EYS: variants seen among roughly 807,000 people sequenced by gnomAD.
EYS encodes EGF-like photoreceptor maintenance factor.
EYS carries 250 observed loss-of-function variants against 282.1 expected under a neutral mutation model. That is an observed-to-expected ratio of 0.89 (90% CI 0.80 to 0.98). The LOEUF (loss-of-function observed/expected upper bound fraction) is 0.98. Ranked by LOEUF, EYS falls within the 50% of genes least tolerant of loss-of-function variation. EYS has a pLI of 0.00. For synonymous variants in EYS, 1,355 were observed against 1,282.9 expected (o/e 1.06, Z -1.20); for missense variants, 4,016 against 3,709.0 (o/e 1.08, Z -2.15).
intron 22 of EYS, among the ~76,000 whole-genome samples, chr6:64,783,536 C>A (rs1283222389): frequency 6.6e-6 from 1 of 151,956 alleles, no homozygotes; most frequent in Non-Finnish European, 1.5e-5. Context: ...TATTCACGTT[C>A]TCTTATGTGG....
At chr6:64,457,227 G>T (rs1005356914) in intron 26 of EYS, among the ~76,000 whole-genome samples, 2 of 151,982 alleles carry the variant, frequency 1.3e-5, no homozygotes, top group Non-Finnish European at 2.9e-5. Context: ...GGTCGAAAAT[G>T]ATACTTGATA....
intron 39 of EYS, among the ~76,000 whole-genome samples, chr6:63,786,620 G>A (rs1770368299): frequency 6.6e-6 from 1 of 151,728 alleles, no homozygotes; most frequent in Admixed American, 6.6e-5. Context: ...GTTGATGAGT[G>A]TAGCAAACCA....
At chr6:65,020,995 C>T (rs758920626) in intron 13 of EYS, among the ~76,000 whole-genome samples, 1 of 152,154 alleles carries the variant, frequency 6.6e-6, no homozygotes, top group Admixed American at 6.5e-5. Flanking sequence ...AGCAGTGGGG[C>T]CCGGGACCCA....
intron 12 of EYS, among the ~76,000 whole-genome samples, chr6:65,143,915 T>C (rs559727954): frequency 5.0e-4 from 76 of 152,176 alleles, no homozygotes; most frequent in African/African-American, 1.7e-3. Flanking sequence ...AAGTAGAAAA[T>C]TCTTTTCTTC....
intron 36 of EYS, among the ~76,000 whole-genome samples, chr6:63,853,182 G>C (rs891029247): frequency 2.0e-5 from 3 of 152,134 alleles, no homozygotes; most frequent in Non-Finnish European, 2.9e-5. Flanking sequence ...AAGAAGAGAG[G>C]AAGTCAAATT....
chr6:63,786,619 T>A (rs377234360), intron 39 of EYS, among the ~76,000 whole-genome samples: 3 of 151,638 alleles, frequency 2.0e-5, no homozygotes, highest in Non-Finnish European at 4.4e-5. Context: ...GGTTGATGAG[T>A]GTAGCAAACC....
At position 65,518,580 on chromosome 6, in the gene EYS, G is replaced by A. The variant is rs1422592216; in HGVS notation, c.-332-22587C>T. On this transcript the variant is annotated intron_variant, in intron 2 of 42. Transcript: ENST00000503581. ...TATTTTCTTTAGGTCATGCAAAATT[G>A]TGGTATCATCTTAAAATTAGAATAT... Among the ~76,000 whole-genome samples the A allele has an allele frequency of 2.6e-5, 4 of 152,182 alleles. No individual in the cohort carries two copies. The East Asian group carries it at 7.7e-4, about 29-fold the overall frequency.
chr6:65,059,664 C>T (rs1250969595), intron 12 of EYS, among the ~76,000 whole-genome samples: 1 of 151,942 alleles, frequency 6.6e-6, no homozygotes, highest in Non-Finnish European at 1.5e-5. Context: ...AGTAAATTCT[C>T]TAAGAAAATG....
At chr6:64,619,475 T>G (rs1368528805) in intron 23 of EYS, among the ~76,000 whole-genome samples, 1 of 151,784 alleles carries the variant, frequency 6.6e-6, no homozygotes, top group Non-Finnish European at 1.5e-5. Context: ...AAAGGCCAGG[T>G]GAGCTAACAG....
intron 35 of EYS, 122 bp downstream of exon 35, chr6:63,984,260 GA>G (rs1562132230): frequency 1.4e-6 from 1 of 693,016 alleles, no homozygotes; most frequent in Non-Finnish European, 2.5e-6. Context: ...GTGATGCATA[GA>G]AAAACTTGAG....
At position 64,359,353 on chromosome 6, in the gene EYS, C is replaced by T. The variant is rs1253469029; in HGVS notation, c.6078+29337G>A. On this transcript the variant is annotated intron_variant, in intron 29 of 42. Transcript: ENST00000503581. ...GGGAACCATTAACCCAATTTAAATACTTCTCATATTTGAATAGCTTTGATA... is the reference window on the plus strand; with the variant it reads ...GGGAACCATTAACCCAATTTAAATATTTCTCATATTTGAATAGCTTTGATA... Among the ~76,000 whole-genome samples the T allele has an allele frequency of 2.0e-5, 3 of 151,762 alleles. No homozygotes were observed. In the East Asian group the frequency reaches 5.8e-4, roughly 30 times the overall value.
intron 18 of EYS, among the ~76,000 whole-genome samples, chr6:64,896,379 T>C (rs2150068602): frequency 6.6e-6 from 1 of 152,158 alleles, no homozygotes; most frequent in Non-Finnish European, 1.5e-5. Context: ...GGGACCTTGC[T>C]GTGAGGGATG....
chr6:64,366,936 TAAG>T (rs1772202591), intron 29 of EYS, among the ~76,000 whole-genome samples: 1 of 152,106 alleles, frequency 6.6e-6, no homozygotes, highest in African/African-American at 2.4e-5. Flanking sequence ...GTTCAGCGTT[TAAG>T]AAGAATTTAG....
chr6:65,216,821 A>G (rs985482137), intron 12 of EYS, among the ~76,000 whole-genome samples: 2 of 151,920 alleles, frequency 1.3e-5, no homozygotes, highest in African/African-American at 4.8e-5. Context: ...ATCAAAATTT[A>G]TTTTTGATGA....
At chr6:64,099,388 C>T (rs1168269541) in intron 31 of EYS, among the ~76,000 whole-genome samples, 1 of 152,108 alleles carries the variant, frequency 6.6e-6, no homozygotes, top group Non-Finnish European at 1.5e-5. Flanking sequence ...TTCAGCAAAG[C>T]CTTTTTTTCT....
chr6:64,469,708 TC>T (rs1776047812), intron 26 of EYS, among the ~76,000 whole-genome samples: 1 of 151,776 alleles, frequency 6.6e-6, no homozygotes, highest in Admixed American at 6.6e-5. Context: ...AAAGGGAGTC[TC>T]CCTTTCCCTG....
intron 2 of EYS, among the ~76,000 whole-genome samples, chr6:65,510,117 C>T (rs1047549921): frequency 6.6e-6 from 1 of 150,884 alleles, no homozygotes; most frequent in African/African-American, 2.4e-5. Flanking sequence ...GTGCGCTGCA[C>T]CCACTAACTC....
intron 26 of EYS, among the ~76,000 whole-genome samples, chr6:64,505,487 G>A (rs567083903): frequency 6.6e-5 from 10 of 152,236 alleles, no homozygotes; most frequent in African/African-American, 2.4e-4. Flanking sequence ...CACAGCCACC[G>A]GCTCACCCTC....
chr6:64,382,437 T>C (rs1195214515), intron 29 of EYS, among the ~76,000 whole-genome samples: 1 of 152,196 alleles, frequency 6.6e-6, no homozygotes, highest in Non-Finnish European at 1.5e-5. Context: ...TTCTTCTCAA[T>C]CTTCCCCATC....
Sources: gnomAD v4.1 joint callset for allele counts (sites outside exome capture counted in the v4.1 genomes callset) on GRCh38, gnomAD v4.1.1 for gene constraint, MANE v1.5 for transcripts, NCBI Gene and HGNC (gene_info 2026-07-23, HGNC 2026-07-21) for gene names.